PICALM: variants seen among roughly 807,000 people sequenced by gnomAD.
The protein encoded by PICALM is phosphatidylinositol-binding clathrin assembly protein.
In PICALM, 40 loss-of-function variants were observed where a neutral mutation model predicts 80.5. That is an observed-to-expected ratio of 0.50 (90% CI 0.39 to 0.65). The LOEUF (loss-of-function observed/expected upper bound fraction) is 0.65, where lower values mean the gene tolerates loss of function less well. Among genes scored for constraint, PICALM ranks in the 30% least tolerant of loss-of-function variants. The pLI is 0.00. For missense variants in PICALM, 676 were observed against 778.9 expected, an observed-to-expected ratio of 0.87 and a Z score of 1.57; for synonymous variants, 288 against 260.3, an observed-to-expected ratio of 1.11 and a Z score of -1.02.
At chr11:85,990,430 GAAGA>G in intron 12 of PICALM, 31 bp from the exon 13 acceptor site, 1 of 1,407,444 alleles carries the variant, frequency 7.1e-7, no homozygotes, top group Non-Finnish European at 9.7e-7. Flanking sequence ...ATAGCAAAAT[GAAGA>G]AAGGAAGTAA....
chr11:86,048,940 A>C (rs1247742757), intron 1 of PICALM, among the ~76,000 whole-genome samples: 1 of 152,164 alleles, frequency 6.6e-6, no homozygotes, highest in Non-Finnish European at 1.5e-5. Flanking sequence ...AATGGGAATA[A>C]GGATAATGTG....
intron 1 of PICALM, among the ~76,000 whole-genome samples, chr11:86,038,339 A>G (rs1593215859): frequency 6.6e-6 from 1 of 152,168 alleles, no homozygotes; most frequent in East Asian, 1.9e-4. Context: ...TAAACAAAAC[A>G]AAACAAAAAA....
intron 12 of PICALM, among the ~76,000 whole-genome samples, chr11:85,996,565 G>C (rs1242497405): frequency 6.6e-6 from 1 of 151,868 alleles, no homozygotes; most frequent in Non-Finnish European, 1.5e-5. Flanking sequence ...TAATCTCATA[G>C]TTAAAAACAC....
Position 85,957,195 on chromosome 11 carries a change from T to C in PICALM, c.*1851A>G, listed in dbSNP as rs2093561931. Among the ~76,000 whole-genome samples the C allele has an allele frequency of 6.6e-6, 1 of 152,178 alleles. No homozygotes were observed. Among genetic ancestry groups the C allele is most frequent in the Non-Finnish European group, 1.5e-5 (1 of 68,022 alleles). On this transcript the variant is annotated 3_prime_UTR_variant, in exon 20 of 20. Transcript: ENST00000393346. ...CCCAGTTTATATGAAAATGGTTTAA[T>C]AATACTGAAACTTAAAAGCTGATAA...
intron 1 of PICALM, among the ~76,000 whole-genome samples, chr11:86,059,869 A>AT (rs1029777922): frequency 6.8e-6 from 1 of 147,510 alleles, no homozygotes; most frequent in African/African-American, 2.5e-5. Flanking sequence ...TAGTTTTGAC[A>AT]TAAAAAAAAA....
In PICALM at chr11:85,983,891, A is replaced by C; in HGVS notation, c.1491T>G (p.Ser497=). 1 of 1,571,978 alleles carries C rather than the reference A, an allele frequency of 6.4e-7. No individual in the cohort carries two copies. The part of the protein sequence containing the change: ...VDFESVFGNK[S]TNVIVDSGGF... ...CCCCAGAATCTACAATAACATTTGT[A>C]GATTTATTTCCAAACACAGATTCAA... The change falls in exon 14 of 20, where the codon TCT becomes TCG. Residue 497 remains serine (S), a synonymous_variant. Transcript: ENST00000393346.
Position 85,993,165 on chromosome 11 carries a change from A to C in PICALM, c.1259-2766T>G, listed in dbSNP as rs186476639. ...CAATGGCATAATCATAGCTTACTGCAGCCTCGACCTTTCTGTGCTCAAGCA... is the reference window on the plus strand; with the variant it reads ...CAATGGCATAATCATAGCTTACTGCCGCCTCGACCTTTCTGTGCTCAAGCA... On this transcript the variant is annotated intron_variant, in intron 12 of 19. Coordinates refer to ENST00000393346, the MANE Select transcript of PICALM (RefSeq NM_007166.4). Among the ~76,000 whole-genome samples, 3 of 151,268 alleles carry C rather than the reference A, an allele frequency of 2.0e-5. No individual in the cohort carries two copies. In the East Asian group the frequency reaches 5.8e-4, roughly 29 times the overall value.
chr11:86,010,047 G>A (rs2095364436), intron 7 of PICALM, among the ~76,000 whole-genome samples: 2 of 152,110 alleles, frequency 1.3e-5, no homozygotes. Context: ...TAATTCCAAA[G>A]TAACTGCTTT....
At chr11:86,000,521 AC>A in intron 11 of PICALM, 121 bp downstream of exon 11, 1 of 675,488 alleles carries the variant, frequency 1.5e-6, no homozygotes, top group South Asian at 2.3e-5. Context: ...ATTTATCGCC[AC>A]CTCTTTGTGT....
rs148863668 is a variant in PICALM at position 85,966,454 on chromosome 11, A to C, written c.1945-7394T>G. Among the ~76,000 whole-genome samples the C allele has an allele frequency of 7.2e-4, 109 of 152,340 alleles. 1 individual carries two copies. The East Asian group carries it at 0.017, about 24-fold the overall frequency. On this transcript the variant is annotated intron_variant, in intron 19 of 19. Transcript: ENST00000393346. ...CAGGGCAACCTTTAAATATTTTCTT[A>C]GTCAGTTTCAAATATTTTCATTTGA...
chr11:86,013,390 A>G (rs1261348035), intron 5 of PICALM, among the ~76,000 whole-genome samples: 1 of 152,194 alleles, frequency 6.6e-6, no homozygotes, highest in African/African-American at 2.4e-5. Context: ...TTTGGAATAT[A>G]AGCAATATTT....
intron 1 of PICALM, among the ~76,000 whole-genome samples, chr11:86,033,711 T>C (rs1254944357): frequency 1.3e-5 from 2 of 152,218 alleles, no homozygotes. Context: ...TTAAAATGTT[T>C]TTAAGTTCCA....
At chr11:86,038,760 G>A (rs2095890150) in intron 1 of PICALM, among the ~76,000 whole-genome samples, 1 of 150,104 alleles carries the variant, frequency 6.7e-6, no homozygotes, top group South Asian at 2.1e-4. Context: ...CTGGGCGACA[G>A]AGCGAGACTC....
intron 12 of PICALM, among the ~76,000 whole-genome samples, chr11:85,996,193 T>G (rs2094954411): frequency 6.6e-6 from 1 of 152,114 alleles, no homozygotes. Context: ...CTATAAAAAC[T>G]CATTAGAATA....
chr11:86,032,751 G>A (rs141736474), intron 1 of PICALM, among the ~76,000 whole-genome samples: 273 of 152,134 alleles, frequency 1.8e-3, no homozygotes, highest in African/African-American at 6.2e-3. Context: ...CTACAATAAA[G>A]GGAAAAAAGT....
chr11:85,996,734 C>T (rs1032002981), intron 12 of PICALM, 92 bp downstream of exon 12: 2 of 760,766 alleles, frequency 2.6e-6, no homozygotes, highest in African/African-American at 3.5e-5. Context: ...TCTCATGTAT[C>T]AAGTGTAATA....
At chr11:86,003,679 A>C in intron 8 of PICALM, 1 of 344,650 alleles carries the variant, frequency 2.9e-6, no homozygotes, top group South Asian at 1.1e-4. Flanking sequence ...AAGAACTGAA[A>C]ACTATGTAAA....
rs2096484785 is a variant in PICALM, at chr11:86,068,848, G to A, written c.-68C>T. The A allele has an allele frequency of 6.6e-6, 10 of 1,505,694 alleles. No homozygotes were observed. Among genetic ancestry groups the A allele is most frequent in the Admixed American group, 2.1e-5 (1 of 47,790 alleles). The allele number at this position is 1,505,694 out of a possible 1,614,324, so 93.3% of individuals were successfully genotyped here. A position where few individuals can be genotyped will look rare whatever the true frequency, so the allele number is the denominator to read the frequency against. The stretch of plus-strand genomic sequence containing the variant: ...GGGACTGGGACCCCCAAGAGCCGGA[G>A]GGTCCCCACCCCCCACCGCACCCCC... On this transcript the variant is annotated 5_prime_UTR_variant, in exon 1 of 20. Transcript: ENST00000393346.
At chr11:85,963,260 G>C (rs1439693133) in intron 19 of PICALM, among the ~76,000 whole-genome samples, 3 of 152,036 alleles carry the variant, frequency 2.0e-5, no homozygotes, top group East Asian at 3.9e-4. Flanking sequence ...AATTTTACAA[G>C]AGAGCATATG....
Sources: allele counts gnomAD v4.1 joint callset (sites outside exome capture counted in the v4.1 genomes callset), GRCh38; gene constraint gnomAD v4.1.1; transcripts MANE v1.5; gene names NCBI Gene and HGNC (gene_info 2026-07-23, HGNC 2026-07-21).